Variants in ZNF385D observed in about 807,000 individuals in gnomAD.
The protein encoded by ZNF385D is zinc finger protein 659.
Under a neutral mutation model 35.8 loss-of-function variants are expected in ZNF385D, and 15 were observed. The ratio of observed to expected loss-of-function variants is 0.42; its 90% confidence interval spans 0.28 to 0.64. ZNF385D has a LOEUF of 0.64. ZNF385D is among the 30% of genes least tolerant of loss of function. ZNF385D has a pLI of 0.23. For missense variants in ZNF385D, 474 were observed against 494.6 expected (o/e 0.96, Z 0.39); for synonymous variants, 212 against 186.8 (o/e 1.13, Z -1.10).
chr3:22,216,248 G>A (rs963071701), intron 2 of ZNF385D, among the ~76,000 whole-genome samples: 1 of 151,804 alleles, frequency 6.6e-6, no homozygotes, highest in Non-Finnish European at 1.5e-5. Context: ...TTTGTAACTT[G>A]ATAAATGTTT....
intron 3 of ZNF385D, among the ~76,000 whole-genome samples, chr3:21,918,421 A>G (rs1225763916): frequency 3.3e-5 from 5 of 150,740 alleles, no homozygotes; most frequent in Non-Finnish European, 5.9e-5. Flanking sequence ...AGCAAGTAAA[A>G]GTAGGGACTT....
intron 2 of ZNF385D, among the ~76,000 whole-genome samples, chr3:22,279,137 G>A (rs73037297): frequency 0.12 from 17,958 of 151,908 alleles, 1,393 homozygotes; most frequent in Admixed American, 0.16. Flanking sequence ...AGGTTTTGGG[G>A]GAACAGGTGA....
At chr3:22,181,687 G>C (rs1179626803) in intron 2 of ZNF385D, among the ~76,000 whole-genome samples, 2 of 132,140 alleles carry the variant, frequency 1.5e-5, no homozygotes, top group African/African-American at 5.8e-5. Context: ...GAAAGAGTGA[G>C]ACTCCGTCTC....
In ZNF385D at chr3:21,446,133, A is replaced by G. The variant is rs547813631; in HGVS notation, c.440-8930T>C. Among the ~76,000 whole-genome samples the G allele has an allele frequency of 5.3e-5, 8 of 152,318 alleles. No individual in the cohort carries two copies. The South Asian group carries it at 8.3e-4, about 16-fold the overall frequency. On this transcript the variant is annotated intron_variant, in intron 4 of 7. Coordinates refer to ENST00000281523, the MANE Select transcript of ZNF385D (RefSeq NM_024697.3). ...TATAGGGTGAGGTCTGAATATTTGC[A>G]TTTCTAACAAGTTCCCAGGTATTGC...
intron 3 of ZNF385D, among the ~76,000 whole-genome samples, chr3:21,549,097 G>A (rs1464436937): frequency 1.3e-5 from 2 of 151,994 alleles, no homozygotes; most frequent in African/African-American, 4.8e-5. Context: ...AGATATTCAA[G>A]GTCAGATTTT....
chr3:22,123,960 C>T (rs4044492), intron 3 of ZNF385D, among the ~76,000 whole-genome samples: 3 of 72,854 alleles, frequency 4.1e-5, no homozygotes. Flanking sequence ...CTCTCTCTCT[C>T]TCTATATATA....
intron 2 of ZNF385D, among the ~76,000 whole-genome samples, chr3:21,592,597 T>G (rs1240421854): frequency 6.7e-6 from 1 of 149,464 alleles, no homozygotes; most frequent in Non-Finnish European, 1.5e-5. Flanking sequence ...TTATGTGTAA[T>G]TTTCTGCTCT....
At chr3:21,428,568 C>T (rs1044489406) in intron 5 of ZNF385D, among the ~76,000 whole-genome samples, 2 of 152,094 alleles carry the variant, frequency 1.3e-5, no homozygotes, top group Non-Finnish European at 2.9e-5. Context: ...CCCCGCACCC[C>T]CACCCCCTGC....
intron 1 of ZNF385D, among the ~76,000 whole-genome samples, chr3:21,747,055 T>A (rs945343418): frequency 8.3e-5 from 12 of 145,254 alleles, no homozygotes; most frequent in African/African-American, 3.0e-4. Context: ...TTTTTTTTTT[T>A]AGCTGTTGTA....
chr3:21,715,405 A>G (rs892341641), intron 1 of ZNF385D, among the ~76,000 whole-genome samples: 6 of 152,066 alleles, frequency 3.9e-5, no homozygotes, highest in African/African-American at 1.4e-4. Context: ...AGTTCCATCC[A>G]AGTTGCTGCA....
At chr3:21,592,445 T>A (rs2064003183) in intron 2 of ZNF385D, among the ~76,000 whole-genome samples, 1 of 151,690 alleles carries the variant, frequency 6.6e-6, no homozygotes, top group African/African-American at 2.4e-5. Context: ...GGCAATATAT[T>A]GATGTGTCTT....
At chr3:22,334,327 C>G (rs1575141130) in intron 2 of ZNF385D, among the ~76,000 whole-genome samples, 1 of 152,182 alleles carries the variant, frequency 6.6e-6, no homozygotes, top group South Asian at 2.1e-4. Flanking sequence ...GTGACTATTA[C>G]ACAAATTAGA....
intron 3 of ZNF385D, among the ~76,000 whole-genome samples, chr3:22,033,252 A>C (rs2125485978): frequency 6.6e-6 from 1 of 151,820 alleles, no homozygotes; most frequent in South Asian, 2.1e-4. Flanking sequence ...AAATACAAAA[A>C]TCAGCCTGGC....
In ZNF385D at chr3:21,761,348, A is replaced by T. The variant is rs560785304; in HGVS notation, c.326-96320T>A. Among the ~76,000 whole-genome samples the T allele has an allele frequency of 2.0e-5, 3 of 152,184 alleles. No homozygotes were observed. The East Asian group carries it at 5.8e-4, about 29-fold the overall frequency. On this transcript the variant is annotated intron_variant, in intron 3 of 5. Coordinates refer to the ZNF385D transcript ENST00000494108. ...TGTTTTAGACCTCTAAATTTGGGGT[A>T]ATATTTTTTACACATCAATAGATGG...
intron 3 of ZNF385D, among the ~76,000 whole-genome samples, chr3:21,923,499 A>G (rs1700579085): frequency 6.6e-6 from 1 of 152,182 alleles, no homozygotes; most frequent in Admixed American, 6.5e-5. Context: ...CAGCAATCCC[A>G]TTACTGCATA....
At chr3:21,698,269 T>C (rs1467963175) in intron 1 of ZNF385D, among the ~76,000 whole-genome samples, 1 of 152,106 alleles carries the variant, frequency 6.6e-6, no homozygotes, top group Non-Finnish European at 1.5e-5. Flanking sequence ...TATTCAGCCA[T>C]AAAAATAACA....
intron 1 of ZNF385D, among the ~76,000 whole-genome samples, chr3:21,670,144 T>C (rs560572316): frequency 6.6e-6 from 1 of 152,116 alleles, no homozygotes; most frequent in African/African-American, 2.4e-5. Flanking sequence ...AACATATATA[T>C]ATTGATAGAA....
chr3:21,437,719 A>AAAAAAAAAAAC (rs1701641911), intron 4 of ZNF385D, among the ~76,000 whole-genome samples: 2 of 149,406 alleles, frequency 1.3e-5, no homozygotes, highest in Admixed American at 1.3e-4. Flanking sequence ...AAAAAAAAAA[A>AAAAAAAAAAAC]CCGGAACCCT....
intron 3 of ZNF385D, among the ~76,000 whole-genome samples, chr3:22,084,773 A>T (rs532861576): frequency 1.3e-5 from 2 of 152,330 alleles, no homozygotes; most frequent in South Asian, 2.1e-4. Context: ...CAGAATATAC[A>T]TTCTTCTCAG....
Sources: gnomAD v4.1 joint callset for allele counts (sites outside exome capture counted in the v4.1 genomes callset) on GRCh38, gnomAD v4.1.1 for gene constraint, MANE v1.5 for transcripts, NCBI Gene and HGNC (gene_info 2026-07-23, HGNC 2026-07-21) for gene names.